The following OSTN variants were observed in gnomAD, a reference collection of about 807,000 sequenced individuals.
OSTN encodes the protein osteocrin.
A neutral mutation model predicts 12.0 loss-of-function variants in OSTN; 9 were observed. The observed-to-expected ratio is 0.75, with a 90% CI of 0.45 to 1.30. The LOEUF is 1.30. OSTN is among the 50% of genes most tolerant of loss of function. The pLI is 0.00. For missense variants in OSTN, 148 were observed against 152.3 expected, an observed-to-expected ratio of 0.97 and a Z score of 0.15; for synonymous variants, 59 against 56.9, an observed-to-expected ratio of 1.04 and a Z score of -0.16.
In OSTN at chr3:191,212,608, C is replaced by T; in HGVS notation, c.76C>T (p.Leu26Phe). The T allele has an allele frequency of 6.3e-7, 1 of 1,581,896 alleles. No homozygotes were observed. Reference sequence around the variant, plus strand: ...GACACTGTGGAGCTCAGGAAAAGTCCTCTCAGTAGATGTAACAACAACAGA... The same window carrying T: ...GACACTGTGGAGCTCAGGAAAAGTCTTCTCAGTAGATGTAACAACAACAGA... ...TLTLWSSGKV[L>F]SVDVTTTEAF... is the part of the protein sequence containing the mutation. The change falls in exon 2 of 5, where the codon CTC becomes TTC. Residue 26 changes from leucine to phenylalanine, a missense_variant. Leu to Phe is a conservative substitution (Grantham distance 22). Coordinates refer to ENST00000682035, the MANE Select transcript of OSTN (RefSeq NM_198184.2).
intron 1 of OSTN, among the ~76,000 whole-genome samples, chr3:191,211,502 A>G (rs1411835458): frequency 6.6e-6 from 1 of 152,220 alleles, no homozygotes; most frequent in Admixed American, 6.5e-5. Context: ...ACAGTTTCTC[A>G]GTAGTATACA....
intron 1 of OSTN, among the ~76,000 whole-genome samples, chr3:191,206,087 G>A (rs369700361): frequency 3.4e-4 from 51 of 152,138 alleles, no homozygotes; most frequent in African/African-American, 1.1e-3. Context: ...AGGAGGCTGA[G>A]GCAGGAGAAT....
chr3:191,214,665 C>A (rs551901617), intron 2 of OSTN, among the ~76,000 whole-genome samples: 24 of 152,184 alleles, frequency 1.6e-4, no homozygotes, highest in African/African-American at 5.1e-4. Flanking sequence ...AAATGCTACT[C>A]TTTTGTTCTA....
At chr3:191,239,811 C>G (rs563160789) in intron 3 of OSTN, among the ~76,000 whole-genome samples, 30 of 152,318 alleles carry the variant, frequency 2.0e-4, no homozygotes, top group Non-Finnish European at 3.4e-4. Context: ...TTTATTCACT[C>G]CTTCCCAGGG....
intron 4 of OSTN, among the ~76,000 whole-genome samples, chr3:191,259,337 G>T (rs6444522): frequency 0.55 from 82,793 of 151,402 alleles, 23,391 homozygotes; most frequent in Non-Finnish European, 0.61. Flanking sequence ...CAGGAGCTAC[G>T]CCCCCTGGCT....
intron 3 of OSTN, among the ~76,000 whole-genome samples, chr3:191,230,627 T>A (rs368905512): frequency 6.9e-6 from 1 of 144,836 alleles, no homozygotes; most frequent in East Asian, 2.1e-4. Context: ...GAGAACTCAC[T>A]ATCAGGTGAT....
chr3:191,225,436 A>AT (rs969824812), intron 3 of OSTN, among the ~76,000 whole-genome samples: 1 of 152,088 alleles, frequency 6.6e-6, no homozygotes, highest in African/African-American at 2.4e-5. Context: ...TTCAGAGAAT[A>AT]TTTTTTTAAA....
intron 3 of OSTN, among the ~76,000 whole-genome samples, chr3:191,232,150 G>A (rs1223403680): frequency 1.3e-5 from 2 of 151,604 alleles, no homozygotes; most frequent in South Asian, 2.1e-4. Flanking sequence ...GGCCAACGTG[G>A]TGAAATCCCG....
chr3:191,222,265 CAGAATGGT>C (rs1404931206), intron 3 of OSTN, among the ~76,000 whole-genome samples: 3 of 152,216 alleles, frequency 2.0e-5, no homozygotes, highest in African/African-American at 7.2e-5. Context: ...CTGCAGACCC[CAGAATGGT>C]AGATCTTTTG....
intron 4 of OSTN, among the ~76,000 whole-genome samples, chr3:191,260,789 G>A (rs746075411): frequency 6.6e-6 from 1 of 152,092 alleles, no homozygotes; most frequent in Non-Finnish European, 1.5e-5. Context: ...CTGAACAAGA[G>A]GGAACTTTAT....
At chr3:191,241,996 T>C (rs1715331310) in intron 3 of OSTN, among the ~76,000 whole-genome samples, 1 of 151,690 alleles carries the variant, frequency 6.6e-6, no homozygotes, top group South Asian at 2.1e-4. Flanking sequence ...GCAAAACAAA[T>C]AGCAATGTAT....
chr3:191,224,565 A>G, intron 3 of OSTN, among the ~76,000 whole-genome samples: 1 of 152,152 alleles, frequency 6.6e-6, no homozygotes, highest in East Asian at 1.9e-4. Context: ...TCCAGTGAAT[A>G]TGGAACATTT....
At chr3:191,236,872 A>G (rs1241595674) in intron 3 of OSTN, among the ~76,000 whole-genome samples, 3 of 152,134 alleles carry the variant, frequency 2.0e-5, no homozygotes, top group African/African-American at 7.2e-5. Flanking sequence ...CCTATTCAAG[A>G]TGGAGTCACT....
intron 3 of OSTN, chr3:191,234,458 A>T (rs1270389025): frequency 1.3e-5 from 2 of 152,296 alleles, no homozygotes; most frequent in Non-Finnish European, 2.9e-5. Flanking sequence ...GCACTTTGGG[A>T]GGCCGAGGCA....
At chr3:191,225,744 TG>T (rs1384234734) in intron 3 of OSTN, among the ~76,000 whole-genome samples, 4 of 152,020 alleles carry the variant, frequency 2.6e-5, no homozygotes, top group Non-Finnish European at 4.4e-5. Flanking sequence ...AAATACTAGA[TG>T]TTCTCACTTA....
chr3:191,240,583 A>G lies in OSTN; in HGVS notation c.318-9454A>G, dbSNP rs546573481. Reference sequence around the variant, plus strand: ...TTTTGTTCTCACACACTTTTTGTGCATCGGAAATCCAGGAAAAGCTTGACT... The same window carrying G: ...TTTTGTTCTCACACACTTTTTGTGCGTCGGAAATCCAGGAAAAGCTTGACT... On this transcript the variant is annotated intron_variant, in intron 3 of 4. Transcript: ENST00000682035. Among the ~76,000 whole-genome samples, 7 of 152,354 alleles carry G rather than the reference A, an allele frequency of 4.6e-5. No individual in the cohort carries two copies. The South Asian group carries it at 1.5e-3, about 32-fold the overall frequency.
chr3:191,262,618 T>C (rs1180241781), intron 4 of OSTN, among the ~76,000 whole-genome samples: 1 of 152,246 alleles, frequency 6.6e-6, no homozygotes, highest in Non-Finnish European at 1.5e-5. Flanking sequence ...AGACTTTTTA[T>C]AATTTTTATT....
rs73070053 is a variant in OSTN at position 191,221,246 on chromosome 3, A to G, written c.317+2285A>G. On this transcript the variant is annotated intron_variant, in intron 3 of 4. Transcript: ENST00000682035. ...AACCGCTTTCCTTTATAAATTTCCC[A>G]GTCTCAGGTATGTCCTTCATACCAA... is the stretch of plus-strand genomic sequence containing the variant. Among the ~76,000 whole-genome samples the G allele has an allele frequency of 3.6e-3, 552 of 152,284 alleles. 3 individuals are homozygous for G. Among genetic ancestry groups the G allele is most frequent in the African/African-American group, 0.013 (528 of 41,556 alleles).
chr3:191,227,576 T>G (rs1714944231), intron 3 of OSTN, among the ~76,000 whole-genome samples: 1 of 152,148 alleles, frequency 6.6e-6, no homozygotes, highest in African/African-American at 2.4e-5. Flanking sequence ...TATAAACTTT[T>G]TATTTAAAAA....
Sources: gnomAD v4.1 joint callset for allele counts (sites outside exome capture counted in the v4.1 genomes callset) on GRCh38, gnomAD v4.1.1 for gene constraint, MANE v1.5 for transcripts, NCBI Gene and HGNC (gene_info 2026-07-23, HGNC 2026-07-21) for gene names.